Variants in GAREM1 observed in about 807,000 individuals in gnomAD.
GAREM1 encodes the protein GRB2-associated and regulator of MAPK protein 1.
GAREM1 carries 26 observed loss-of-function variants against 71.3 expected under a neutral mutation model. The observed-to-expected ratio is 0.36, with a 90% CI of 0.27 to 0.51. GAREM1 has a LOEUF of 0.51. Ranked by LOEUF, GAREM1 falls within the 20% of genes least tolerant of loss-of-function variation. GAREM1 has a pLI of 0.95. For missense variants in GAREM1, 1,026 were observed against 1,103.1 expected (o/e 0.93, Z 0.99); for synonymous variants, 440 against 433.2 (o/e 1.02, Z -0.20).
chr18:32,417,627 C>T (rs1264720377), intron 1 of GAREM1, among the ~76,000 whole-genome samples: 1 of 152,090 alleles, frequency 6.6e-6, no homozygotes, highest in Non-Finnish European at 1.5e-5. Context: ...CACAGAAAGA[C>T]AGACATTGTA....
chr18:32,463,091 A>G (rs556536664), intron 1 of GAREM1, among the ~76,000 whole-genome samples: 3 of 152,312 alleles, frequency 2.0e-5, no homozygotes, highest in South Asian at 4.1e-4. Context: ...CCACTACAAA[A>G]AAAAAAGATA....
chr18:32,378,057 T>TGTGTGTGTGTGTGTGC lies in GAREM1; in HGVS notation c.262+14837_262+14838insGCACACACACACACAC, dbSNP rs1293817110. Reference sequence around the variant, plus strand: ...GTGTGTGTGTGTGTGTGTGTGTGTGTGCGCGCGGGCGCTTTGGAGGAGGGC... The same window carrying TGTGTGTGTGTGTGTGC: ...GTGTGTGTGTGTGTGTGTGTGTGTGTGTGTGTGTGTGTGTGCGCGCGCGGGCGCTTTGGAGGAGGGC... On this transcript the variant is annotated intron_variant, in intron 2 of 5. Coordinates refer to ENST00000269209, the MANE Select transcript of GAREM1 (RefSeq NM_001242409.2). 5.2e-4 allele frequency among the ~76,000 whole-genome samples: 66 copies of TGTGTGTGTGTGTGTGC among 127,616 alleles called. 1 individual carries two copies. Among genetic ancestry groups the TGTGTGTGTGTGTGTGC allele is most frequent in the African/African-American group, 1.9e-3 (63 of 33,234 alleles). 83.7% of individuals were successfully genotyped at this position (127,616 alleles called of 152,430 possible).
chr18:32,453,820 G>A (rs1375184380), intron 1 of GAREM1, among the ~76,000 whole-genome samples: 1 of 152,210 alleles, frequency 6.6e-6, no homozygotes, highest in South Asian at 2.1e-4. Flanking sequence ...GTGCATGTGT[G>A]TTGTATATTG....
chr18:32,364,657 A>G (rs2047911304), intron 2 of GAREM1, among the ~76,000 whole-genome samples: 1 of 152,250 alleles, frequency 6.6e-6, no homozygotes, highest in African/African-American at 2.4e-5. Flanking sequence ...GTGTTAACAT[A>G]TTTCTAGTGA....
At chr18:32,356,346 G>A (rs1447845842) in intron 2 of GAREM1, among the ~76,000 whole-genome samples, 1 of 152,168 alleles carries the variant, frequency 6.6e-6, no homozygotes, top group Non-Finnish European at 1.5e-5. Flanking sequence ...AGGAAAAGGA[G>A]TGAAATTATT....
rs181942180 is a variant in GAREM1 at position 32,322,837 on chromosome 18, T to C, written c.263-12514A>G. ...AGTCTATTCACCGATTCTCTACTTA[T>C]TTTACTTCCTTTTGTGCTGTTTTCT... On this transcript the variant is annotated intron_variant, in intron 2 of 5. Transcript: ENST00000269209. Among the ~76,000 whole-genome samples, 84 of 152,332 alleles carry C rather than the reference T, an allele frequency of 5.5e-4. No homozygotes were observed. In the East Asian group the frequency reaches 0.012, roughly 22 times the overall value.
intron 1 of GAREM1, among the ~76,000 whole-genome samples, chr18:32,444,079 C>G (rs1448223105): frequency 6.6e-6 from 1 of 151,888 alleles, no homozygotes; most frequent in Non-Finnish European, 1.5e-5. Flanking sequence ...TCTACATGGA[C>G]AGAAAATAAA....
rs569870505 is a variant in GAREM1 at position 32,416,843 on chromosome 18, G to A, written c.122-23808C>T. 1.3e-3 allele frequency among the ~76,000 whole-genome samples: 197 copies of A among 152,134 alleles called. 1 individual carries two copies. The highest frequency in any genetic ancestry group is 4.6e-3 in the African/African-American group (189 of 41,530). On this transcript the variant is annotated intron_variant, in intron 1 of 5. Coordinates refer to ENST00000269209, the MANE Select transcript of GAREM1 (RefSeq NM_001242409.2). The stretch of plus-strand genomic sequence containing the variant: ...TCTTGAGTGATACCCCACAAGCACC[G>A]GCAACCAAAGCAAAAATGGACAAAT...
intron 3 of GAREM1, among the ~76,000 whole-genome samples, chr18:32,300,906 CAAA>C (rs764891353): frequency 0.12 from 10,383 of 83,190 alleles, 698 homozygotes; most frequent in African/African-American, 0.26. Context: ...AACTCCGTCT[CAAA>C]AAAAAAAAAA....
intron 1 of GAREM1, among the ~76,000 whole-genome samples, chr18:32,432,682 T>C (rs759018322): frequency 6.6e-6 from 1 of 152,106 alleles, no homozygotes; most frequent in Non-Finnish European, 1.5e-5. Context: ...CGTATAAATT[T>C]CACAGTTTAG....
intron 2 of GAREM1, among the ~76,000 whole-genome samples, chr18:32,314,211 T>C (rs1360177648): frequency 6.6e-6 from 1 of 152,164 alleles, no homozygotes; most frequent in Non-Finnish European, 1.5e-5. Context: ...TCTTAACAAT[T>C]ATGGTGTTCT....
intron 3 of GAREM1, among the ~76,000 whole-genome samples, chr18:32,291,555 C>CA (rs1567951848): frequency 6.6e-6 from 1 of 151,918 alleles, no homozygotes; most frequent in East Asian, 1.9e-4. Flanking sequence ...AGGTTTATTA[C>CA]GTAGGTATAC....
intron 1 of GAREM1, among the ~76,000 whole-genome samples, chr18:32,427,114 G>C (rs1265564271): frequency 6.6e-6 from 1 of 152,018 alleles, no homozygotes; most frequent in Non-Finnish European, 1.5e-5. Flanking sequence ...TCCCATGGTA[G>C]TTTCTGGGAG....
chr18:32,327,357 T>C (rs1048979258), intron 2 of GAREM1, among the ~76,000 whole-genome samples: 4 of 152,230 alleles, frequency 2.6e-5, no homozygotes, highest in Non-Finnish European at 2.9e-5. Flanking sequence ...AATGTACTCA[T>C]GTTGATGTTT....
intron 4 of GAREM1, among the ~76,000 whole-genome samples, chr18:32,270,661 A>AAT (rs1234098936): frequency 6.6e-6 from 1 of 152,184 alleles, no homozygotes; most frequent in African/African-American, 2.4e-5. Flanking sequence ...AGTAATATGA[A>AAT]ATACGGCAAG....
intron 1 of GAREM1, among the ~76,000 whole-genome samples, chr18:32,440,887 T>G (rs2048729652): frequency 6.6e-6 from 1 of 152,248 alleles, no homozygotes; most frequent in Non-Finnish European, 1.5e-5. Context: ...TTATTTCACA[T>G]ATACATTTTT....
intron 2 of GAREM1, among the ~76,000 whole-genome samples, chr18:32,313,868 G>A (rs911558591): frequency 4.6e-5 from 7 of 152,142 alleles, no homozygotes; most frequent in African/African-American, 1.7e-4. Context: ...CAAGATAAAA[G>A]TAATTTCAAA....
At chr18:32,374,424 T>C (rs1255685597) in intron 2 of GAREM1, among the ~76,000 whole-genome samples, 2 of 152,236 alleles carry the variant, frequency 1.3e-5, no homozygotes, top group East Asian at 3.8e-4. Context: ...TGTCAGCATG[T>C]GCCCCTATGA....
rs537064151 is a variant in GAREM1, at chr18:32,383,658, G to A, written c.262+9237C>T. On this transcript the variant is annotated intron_variant, in intron 2 of 5. Transcript: ENST00000269209. ...AGCTTGTTTAAACTTTCCACCTGAT[G>A]TTAATCATATTATCTCATAGGTTAA... Among the ~76,000 whole-genome samples the A allele has an allele frequency of 3.9e-5, 6 of 152,282 alleles. No individual in the cohort carries two copies. In the South Asian group the frequency reaches 1.2e-3, roughly 32 times the overall value.
Sources: gnomAD v4.1 joint callset for allele counts (sites outside exome capture counted in the v4.1 genomes callset) on GRCh38, gnomAD v4.1.1 for gene constraint, MANE v1.5 for transcripts, NCBI Gene and HGNC (gene_info 2026-07-23, HGNC 2026-07-21) for gene names.